Variants in BRINP3 observed in about 807,000 individuals in gnomAD.
BRINP3 encodes the protein BMP/retinoic acid-inducible neural-specific protein 3.
In BRINP3, 19 loss-of-function variants were observed where a neutral mutation model predicts 71.0. The ratio of observed to expected loss-of-function variants is 0.27; its 90% CI spans 0.19 to 0.39. BRINP3 has a LOEUF of 0.39. BRINP3 is among the 10% of genes least tolerant of loss of function. BRINP3 has a pLI of 1.00. For synonymous variants in BRINP3, 380 were observed against 337.7 expected (o/e 1.13, Z -1.37); for missense variants, 959 against 940.8 (o/e 1.02, Z -0.25).
chr1:190,262,615 T>C (rs576226410), intron 4 of BRINP3, among the ~76,000 whole-genome samples: 13 of 152,328 alleles, frequency 8.5e-5, no homozygotes, highest in Admixed American at 4.6e-4. Context: ...ATTTTTATTA[T>C]GAGCACTGGA....
At chr1:190,458,469 A>G (rs1412394888) in intron 1 of BRINP3, among the ~76,000 whole-genome samples, 5 of 152,076 alleles carry the variant, frequency 3.3e-5, no homozygotes, top group African/African-American at 4.8e-5. Flanking sequence ...ATTAAACTCA[A>G]TATTCACCAT....
intron 2 of BRINP3, among the ~76,000 whole-genome samples, chr1:190,403,901 C>T (rs1672098850): frequency 6.6e-6 from 1 of 152,114 alleles, no homozygotes; most frequent in Admixed American, 6.5e-5. Flanking sequence ...GGAAATAAAT[C>T]CTTGGCTCAG....
intron 7 of BRINP3, among the ~76,000 whole-genome samples, chr1:190,152,677 A>C (rs1222818805): frequency 6.6e-6 from 1 of 151,958 alleles, no homozygotes; most frequent in Non-Finnish European, 1.5e-5. Context: ...TTCACTGGAC[A>C]AAATGTTGAG....
intron 2 of BRINP3, among the ~76,000 whole-genome samples, chr1:190,389,435 TA>T (rs1440264740): frequency 6.6e-6 from 1 of 151,850 alleles, no homozygotes; most frequent in Non-Finnish European, 1.5e-5. Flanking sequence ...TAGATTGTGA[TA>T]AAACAAAATC....
At chr1:190,157,052 T>C (rs1217309344) in intron 7 of BRINP3, among the ~76,000 whole-genome samples, 1 of 151,858 alleles carries the variant, frequency 6.6e-6, no homozygotes, top group Non-Finnish European at 1.5e-5. Flanking sequence ...CTCACATATA[T>C]CTGCACTTTC....
chr1:190,374,735 G>C (rs1026516747), intron 2 of BRINP3, among the ~76,000 whole-genome samples: 1 of 151,670 alleles, frequency 6.6e-6, no homozygotes, highest in Non-Finnish European at 1.5e-5. Flanking sequence ...TGAAAATAAT[G>C]AAAAATGAAA....
At chr1:190,240,526 T>TA (rs1467400518) in intron 4 of BRINP3, among the ~76,000 whole-genome samples, 1 of 152,020 alleles carries the variant, frequency 6.6e-6, no homozygotes, top group Non-Finnish European at 1.5e-5. Context: ...TCCCCAGAGT[T>TA]AAAAATTATC....
rs751536396 is a variant in BRINP3, at chr1:190,264,990, A to T, written c.493T>A (p.Ser165Thr). The change falls in exon 4 of 8, where the codon TCC becomes ACC. Residue 165 changes from serine to threonine, a missense_variant. Physicochemically the swap from Ser to Thr is moderately conservative, Grantham distance 58 (BLOSUM62 1). Coordinates refer to ENST00000367462, the MANE Select transcript of BRINP3 (RefSeq NM_199051.3). ...KLSKRAEGSDSTTNSSSVTLE... is the reference protein window; with the variant it reads ...KLSKRAEGSDTTTNSSSVTLE... ...GTGACCGAAGAGCTATTGGTGGTGG[A>T]ATCACTTCCTTCAGCTCGTTTGCTC... The T allele has an allele frequency of 6.2e-7, 1 of 1,611,886 alleles. No individual in the cohort carries two copies. The highest frequency in any genetic ancestry group is 1.7e-5 in the Admixed American group (1 of 59,528).
chr1:190,129,587 G>A (rs562295826), intron 7 of BRINP3, among the ~76,000 whole-genome samples: 25 of 152,060 alleles, frequency 1.6e-4, no homozygotes, highest in South Asian at 2.1e-4. Flanking sequence ...AGCATGCTTA[G>A]TGTGAAGAAT....
intron 2 of BRINP3, among the ~76,000 whole-genome samples, chr1:190,419,499 A>C (rs1406203519): frequency 6.6e-6 from 1 of 152,108 alleles, no homozygotes; most frequent in Admixed American, 6.6e-5. Context: ...AAAATATCGT[A>C]TTTTTATTGT....
intron 7 of BRINP3, among the ~76,000 whole-genome samples, chr1:190,109,877 T>A (rs1016248813): frequency 6.6e-6 from 1 of 152,218 alleles, no homozygotes; most frequent in Non-Finnish European, 1.5e-5. Context: ...CTTCTCTGGT[T>A]CAGAGGCTTT....
intron 4 of BRINP3, among the ~76,000 whole-genome samples, chr1:190,234,869 T>C (rs1440277286): frequency 3.3e-5 from 5 of 152,166 alleles, no homozygotes; most frequent in African/African-American, 1.2e-4. Context: ...TCTGCCAGGC[T>C]ACTCTCTCAA....
chr1:190,347,788 G>A (rs1284057653), intron 2 of BRINP3, among the ~76,000 whole-genome samples: 1 of 152,064 alleles, frequency 6.6e-6, no homozygotes, highest in African/African-American at 2.4e-5. Flanking sequence ...GCTTGGAATA[G>A]AGCTTGCTTT....
At chr1:190,262,813 TCA>T (rs1661303122) in intron 4 of BRINP3, among the ~76,000 whole-genome samples, 2 of 152,196 alleles carry the variant, frequency 1.3e-5, no homozygotes, top group African/African-American at 4.8e-5. Flanking sequence ...TAATGAATCA[TCA>T]TTATTCCCAT....
chr1:190,322,065 T>A (rs1257339118), intron 2 of BRINP3, among the ~76,000 whole-genome samples: 4 of 152,044 alleles, frequency 2.6e-5, no homozygotes, highest in African/African-American at 4.8e-5. Context: ...TATATGATTA[T>A]TTCTCATACA....
chr1:190,295,450 C>G (rs1664177335), intron 2 of BRINP3, among the ~76,000 whole-genome samples: 1 of 151,780 alleles, frequency 6.6e-6, no homozygotes, highest in African/African-American at 2.4e-5. Context: ...TTACATGATG[C>G]TAGGTTGCTC....
chr1:190,408,288 C>A (rs1392979855), intron 2 of BRINP3, among the ~76,000 whole-genome samples: 1 of 151,946 alleles, frequency 6.6e-6, no homozygotes, highest in Non-Finnish European at 1.5e-5. Context: ...TTGAGATCCG[C>A]CCACCTCGGC....
chr1:190,379,399 C>T (rs1437111869), intron 2 of BRINP3, among the ~76,000 whole-genome samples: 1 of 151,700 alleles, frequency 6.6e-6, no homozygotes, highest in African/African-American at 2.4e-5. Context: ...TATATGATCA[C>T]AAAGTAATTA....
At chr1:190,405,081 T>G (rs1474145738) in intron 2 of BRINP3, among the ~76,000 whole-genome samples, 1 of 152,186 alleles carries the variant, frequency 6.6e-6, no homozygotes, top group African/African-American at 2.4e-5. Flanking sequence ...TCCATGTCCT[T>G]CATCCACATT....
Sources: gnomAD v4.1 joint callset for allele counts (sites outside exome capture counted in the v4.1 genomes callset) on GRCh38, gnomAD v4.1.1 for gene constraint, MANE v1.5 for transcripts, NCBI Gene and HGNC (gene_info 2026-07-23, HGNC 2026-07-21) for gene names.